RXFP1: variants seen among roughly 807,000 people sequenced by gnomAD.
The protein encoded by RXFP1 is relaxin family peptide receptor 1.
RXFP1 carries 73 observed loss-of-function variants against 89.8 expected under a neutral mutation model. The observed-to-expected ratio is 0.81, with a 90% CI of 0.67 to 0.99. RXFP1 has a LOEUF of 0.99. RXFP1 is among the 50% of genes least tolerant of loss of function. The probability of loss-of-function intolerance (pLI) is 0.00; values close to 1 mark genes in which losing one functional copy is unlikely to be tolerated. For missense variants in RXFP1, 793 were observed against 895.5 expected, an observed-to-expected ratio of 0.89 and a Z score of 1.46; for synonymous variants, 277 against 305.5, an observed-to-expected ratio of 0.91 and a Z score of 0.97.
intron 16 of RXFP1, among the ~76,000 whole-genome samples, chr4:158,647,971 T>G (rs531901477): frequency 2.0e-5 from 3 of 149,614 alleles, no homozygotes; most frequent in African/African-American, 7.4e-5. Flanking sequence ...GGCAAGATAG[T>G]GCCACTGCAC....
At chr4:158,602,968 C>G (rs1467939890) in intron 4 of RXFP1, among the ~76,000 whole-genome samples, 1 of 152,052 alleles carries the variant, frequency 6.6e-6, no homozygotes, top group Non-Finnish European at 1.5e-5. Flanking sequence ...TCTCACTGTG[C>G]CCCCCAGGCT....
intron 1 of RXFP1, among the ~76,000 whole-genome samples, chr4:158,546,025 A>C (rs182352483): frequency 6.6e-6 from 1 of 151,908 alleles, no homozygotes; most frequent in Non-Finnish European, 1.5e-5. Flanking sequence ...GATTGAATCT[A>C]TAAATTACCT....
intron 15 of RXFP1, chr4:158,646,171 A>C: frequency 3.5e-6 from 1 of 287,300 alleles, no homozygotes; most frequent in Non-Finnish European, 6.8e-6. Flanking sequence ...AAAAAGAGAC[A>C]GAAAAAGATG....
chr4:158,566,375 T>A (rs186670439), intron 1 of RXFP1, among the ~76,000 whole-genome samples: 363 of 13,688 alleles, frequency 0.027, 1 homozygote, highest in South Asian at 0.083. Flanking sequence ...TATCTCAAAA[T>A]TTTTTTTTTG....
At chr4:158,550,367 A>G (rs1749791479) in intron 1 of RXFP1, among the ~76,000 whole-genome samples, 1 of 152,198 alleles carries the variant, frequency 6.6e-6, no homozygotes, top group Non-Finnish European at 1.5e-5. Context: ...TTCTTTGACT[A>G]GGAAAGGGAA....
In RXFP1 at chr4:158,608,279, C is replaced by CTTTTTTTTT. The variant is rs756131500; in HGVS notation, c.536+256_536+264dup. Among the ~76,000 whole-genome samples, 10 of 76,100 alleles carry CTTTTTTTTT rather than the reference C, an allele frequency of 1.3e-4. 1 individual carries two copies. Among genetic ancestry groups the CTTTTTTTTT allele is most frequent in the African/African-American group, 3.9e-4 (6 of 15,284 alleles). The allele number at this position is 76,100 out of a possible 152,430, so 49.9% of individuals were successfully genotyped here. The stretch of plus-strand genomic sequence containing the variant: ...GATCTTGAGCAATTTGTATTCCTTT[C>CTTTTTTTTT]TTTTTTTTTTTTTTTTTTTTTTTTT... On this transcript the variant is annotated intron_variant, in intron 6 of 17. Coordinates refer to ENST00000307765, the MANE Select transcript of RXFP1 (RefSeq NM_021634.4).
chr4:158,612,936 T>C (rs1763851454), intron 8 of RXFP1, among the ~76,000 whole-genome samples: 1 of 152,196 alleles, frequency 6.6e-6, no homozygotes, highest in Admixed American at 6.5e-5. Flanking sequence ...AGCACATCGT[T>C]ACTGTCTATA....
At chr4:158,626,307 A>G (rs1232812537) in intron 9 of RXFP1, among the ~76,000 whole-genome samples, 1 of 152,034 alleles carries the variant, frequency 6.6e-6, no homozygotes, top group Non-Finnish European at 1.5e-5. Flanking sequence ...CCAATAGTAA[A>G]AGATTATTGA....
intron 9 of RXFP1, 50 bp from the exon 10 acceptor site, chr4:158,626,770 T>A (rs1203451909): frequency 8.8e-7 from 1 of 1,140,332 alleles, no homozygotes; most frequent in Non-Finnish European, 1.3e-6. Flanking sequence ...ACCAATTTAT[T>A]TCTCTCCATG....
intron 13 of RXFP1, among the ~76,000 whole-genome samples, chr4:158,638,318 A>G (rs1239416048): frequency 6.6e-6 from 1 of 152,142 alleles, no homozygotes; most frequent in Non-Finnish European, 1.5e-5. Flanking sequence ...AGTCATTAGG[A>G]GCTTATGTTG....
In RXFP1 at chr4:158,638,010, A is replaced by C. The variant is rs200748152; in HGVS notation, c.974A>C (p.Asn325Thr). 4 of 1,589,548 alleles carry C rather than the reference A, an allele frequency of 2.5e-6. No homozygotes were observed. The highest frequency in any genetic ancestry group is 3.5e-6 in the Non-Finnish European group (4 of 1,159,344). ...FKDLKELSQL[N>T]LSYNPIQKIQ... ...TTGCTGCTTTTTTTAAAAAACAGGA[A>C]TCTTTCCTATAATCCAATCCAGAAA... The change falls in exon 13 of 18, where the codon AAT (asparagine) becomes ACT (threonine). Residue 325 changes from asparagine to threonine, a missense_variant and splice_region_variant. By Grantham distance (65) the Asn-to-Thr change is moderately conservative. Coordinates refer to ENST00000307765, the MANE Select transcript of RXFP1 (RefSeq NM_021634.4).
chr4:158,560,906 G>C (rs945370853), intron 1 of RXFP1, among the ~76,000 whole-genome samples: 18 of 152,148 alleles, frequency 1.2e-4, no homozygotes, highest in Non-Finnish European at 2.4e-4. Context: ...AAAGTATTTT[G>C]CTTTCCAACT....
chr4:158,560,912 C>T (rs1427417763), intron 1 of RXFP1, among the ~76,000 whole-genome samples: 2 of 152,156 alleles, frequency 1.3e-5, no homozygotes, highest in Non-Finnish European at 2.9e-5. Flanking sequence ...TTTTGCTTTC[C>T]AACTTCTTTA....
intron 1 of RXFP1, among the ~76,000 whole-genome samples, chr4:158,523,162 T>C (rs936094): frequency 0.2 from 30,342 of 152,148 alleles, 3,216 homozygotes; most frequent in South Asian, 0.28. Context: ...AACAATAAAT[T>C]GCAAACCACC....
chr4:158,634,147 C>CT (rs1263057825), intron 12 of RXFP1, among the ~76,000 whole-genome samples: 1 of 152,116 alleles, frequency 6.6e-6, no homozygotes, highest in Non-Finnish European at 1.5e-5. Context: ...TAGTAGTATA[C>CT]TAGGGTTTCC....
chr4:158,577,081 C>T (rs1756406580), intron 2 of RXFP1, among the ~76,000 whole-genome samples: 1 of 151,992 alleles, frequency 6.6e-6, no homozygotes, highest in Non-Finnish European at 1.5e-5. Flanking sequence ...TTCTGTCACC[C>T]AGGCTGGAGT....
intron 9 of RXFP1, among the ~76,000 whole-genome samples, chr4:158,618,048 C>T (rs1348247682): frequency 6.6e-6 from 1 of 152,030 alleles, no homozygotes; most frequent in African/African-American, 2.4e-5. Flanking sequence ...TCTGCAACCT[C>T]TCAGAAAAAA....
At chr4:158,543,916 G>A (rs1011142010) in intron 1 of RXFP1, 1 of 985,014 alleles carries the variant, frequency 1.0e-6, no homozygotes, top group Non-Finnish European at 1.2e-6. Context: ...AAACTCTACT[G>A]AATATCGATA....
intron 1 of RXFP1, among the ~76,000 whole-genome samples, chr4:158,524,156 G>A (rs1384699722): frequency 6.6e-6 from 1 of 152,058 alleles, no homozygotes; most frequent in Non-Finnish European, 1.5e-5. Context: ...CTATTATGTG[G>A]ATACAATTAA....
Sources: gnomAD v4.1 joint callset for allele counts (sites outside exome capture counted in the v4.1 genomes callset) on GRCh38, gnomAD v4.1.1 for gene constraint, MANE v1.5 for transcripts, NCBI Gene and HGNC (gene_info 2026-07-23, HGNC 2026-07-21) for gene names.